The following NBEA variants were observed in gnomAD, a reference collection of about 807,000 sequenced individuals.
NBEA encodes lysosomal-trafficking regulator 2.
In NBEA, 44 loss-of-function variants were observed where a neutral mutation model predicts 343.4. The ratio of observed to expected loss-of-function variants is 0.13; its 90% CI spans 0.10 to 0.16. The LOEUF is 0.16. NBEA is among the 10% of genes least tolerant of loss of function. The pLI, the probability that NBEA is intolerant of heterozygous loss-of-function variation, is 1.00. For synonymous variants in NBEA, 1,175 were observed against 1,238.7 expected, an observed-to-expected ratio of 0.95 and a Z score of 1.08; for missense variants, 2,555 against 3,631.3, an observed-to-expected ratio of 0.70 and a Z score of 7.62.
chr13:35,207,229 G>A (rs1360649576), intron 31 of NBEA, among the ~76,000 whole-genome samples: 1 of 151,204 alleles, frequency 6.6e-6, no homozygotes, highest in Non-Finnish European at 1.5e-5. Context: ...CTTATTTGTG[G>A]AAAAAAAAGT....
At chr13:35,493,363 T>C (rs2076564860) in intron 41 of NBEA, among the ~76,000 whole-genome samples, 1 of 151,982 alleles carries the variant, frequency 6.6e-6, no homozygotes, top group Non-Finnish European at 1.5e-5. Context: ...TATGGGAGTT[T>C]ATTTAAATTT....
chr13:35,472,675 G>C, intron 41 of NBEA, 139 bp downstream of exon 41: 1 of 819,050 alleles, frequency 1.2e-6, no homozygotes, highest in Non-Finnish European at 2.0e-6. Flanking sequence ...GAATGAAATA[G>C]CATGTTCTCT....
intron 37 of NBEA, among the ~76,000 whole-genome samples, chr13:35,349,694 G>T (rs1309495256): frequency 6.6e-6 from 1 of 151,916 alleles, no homozygotes; most frequent in Admixed American, 6.6e-5. Context: ...ATATTTATGT[G>T]CCCTGCTGTT....
At chr13:34,943,255 C>A in intron 1 of NBEA, 141 bp downstream of exon 1, 1 of 1,140,360 alleles carries the variant, frequency 8.8e-7, no homozygotes. Context: ...CGGTATTGCC[C>A]AGCGGGTGAC....
intron 1 of NBEA, among the ~76,000 whole-genome samples, chr13:34,981,531 G>C (rs1489555699): frequency 2.0e-5 from 3 of 152,056 alleles, no homozygotes; most frequent in Non-Finnish European, 4.4e-5. Context: ...TGCATTCTTA[G>C]GATAACCCCA....
At chr13:35,498,787 C>G (rs1262774886) in intron 41 of NBEA, among the ~76,000 whole-genome samples, 1 of 152,012 alleles carries the variant, frequency 6.6e-6, no homozygotes, top group Non-Finnish European at 1.5e-5. Flanking sequence ...TCTGTCTTCA[C>G]CAATGGAAAT....
intron 50 of NBEA, 86 bp from the exon 51 acceptor site, chr13:35,646,173 T>G (rs2092937486): frequency 9.6e-7 from 1 of 1,036,808 alleles, no homozygotes; most frequent in South Asian, 1.4e-5. Flanking sequence ...ATGGCTGACT[T>G]GGGATACACT....
rs145788557 is a variant in NBEA, at chr13:35,233,933, T to C, written c.5776+1314T>C. On this transcript the variant is annotated intron_variant, in intron 34 of 58. Coordinates refer to ENST00000379939, the MANE Select transcript of NBEA (RefSeq NM_001385012.1). Reference sequence around the variant, plus strand: ...ATAGGCCTCATGGTAAAAGTTACATTTGAGCAAAACCTTACATAATAAGTA... The same window carrying C: ...ATAGGCCTCATGGTAAAAGTTACATCTGAGCAAAACCTTACATAATAAGTA... 7.7e-4 allele frequency among the ~76,000 whole-genome samples: 117 copies of C among 152,186 alleles called. No individual in the cohort carries two copies. In the East Asian group the frequency reaches 0.019, roughly 25 times the overall value.
chr13:35,612,085 T>G (rs551893060), intron 48 of NBEA, among the ~76,000 whole-genome samples: 8 of 151,376 alleles, frequency 5.3e-5, no homozygotes, highest in African/African-American at 1.9e-4. Flanking sequence ...TTTTTTTTTT[T>G]ATTACAGCCA....
At position 35,213,702 on chromosome 13, in the gene NBEA, A is replaced by G. The variant is rs73491637; in HGVS notation, c.5648+2523A>G. On this transcript the variant is annotated intron_variant, in intron 33 of 58. Transcript: ENST00000379939. ...TATTCTTAGGAATTGAATATTTTGT[A>G]TGTTTCTATTTTCCTGAAGTTTTCA... is the stretch of plus-strand genomic sequence containing the variant. Among the ~76,000 whole-genome samples the G allele has an allele frequency of 6.6e-3, 993 of 150,670 alleles. 11 individuals are homozygous for G. Among genetic ancestry groups the G allele is most frequent in the African/African-American group, 0.023 (941 of 41,200 alleles).
intron 36 of NBEA, among the ~76,000 whole-genome samples, chr13:35,324,847 AAT>A (rs2038430400): frequency 6.6e-6 from 1 of 152,190 alleles, no homozygotes; most frequent in Non-Finnish European, 1.5e-5. Context: ...GGACCTAAGC[AAT>A]ATAAGCACAA....
intron 41 of NBEA, among the ~76,000 whole-genome samples, chr13:35,537,211 C>G (rs1566284443): frequency 6.6e-6 from 1 of 151,900 alleles, no homozygotes; most frequent in African/African-American, 2.4e-5. Flanking sequence ...TTTCTGTCTC[C>G]CTCAATCATA....
At chr13:35,386,740 T>C (rs2042259983) in intron 38 of NBEA, among the ~76,000 whole-genome samples, 1 of 152,190 alleles carries the variant, frequency 6.6e-6, no homozygotes, top group Non-Finnish European at 1.5e-5. Context: ...CATTTGATCA[T>C]TTTATTTTCT....
intron 38 of NBEA, among the ~76,000 whole-genome samples, chr13:35,409,636 A>G (rs1456372273): frequency 6.6e-6 from 1 of 152,166 alleles, no homozygotes; most frequent in Non-Finnish European, 1.5e-5. Flanking sequence ...TACTTTAACC[A>G]AATGGTTCTA....
intron 35 of NBEA, among the ~76,000 whole-genome samples, chr13:35,308,728 T>A (rs1316832018): frequency 6.0e-5 from 9 of 148,876 alleles, no homozygotes; most frequent in Admixed American, 1.4e-4. Flanking sequence ...TGTATATATT[T>A]AAAACCCCAA....
At chr13:35,208,572 T>A (rs919959791) in intron 31 of NBEA, 128 bp from the exon 32 acceptor site, 8 of 776,092 alleles carry the variant, frequency 1.0e-5, no homozygotes, top group African/African-American at 1.8e-5. Context: ...CTAAGGAGTT[T>A]AAAATTTTTT....
At chr13:35,047,488 G>A (rs538844137) in intron 4 of NBEA, among the ~76,000 whole-genome samples, 78 of 152,056 alleles carry the variant, frequency 5.1e-4, no homozygotes, top group African/African-American at 1.8e-3. Flanking sequence ...CTTCACAGAT[G>A]AGGAAACATA....
intron 45 of NBEA, among the ~76,000 whole-genome samples, chr13:35,568,097 T>A (rs561234636): frequency 1.3e-5 from 2 of 152,302 alleles, no homozygotes; most frequent in East Asian, 3.9e-4. Flanking sequence ...AATTATAACA[T>A]AGTACTTGGC....
chr13:35,532,889 G>A (rs1482708552), intron 41 of NBEA, among the ~76,000 whole-genome samples: 2 of 151,828 alleles, frequency 1.3e-5, no homozygotes, highest in African/African-American at 4.8e-5. Context: ...GTAATTTGTT[G>A]AGTTTTTTTT....
Sources: gnomAD v4.1 joint callset for allele counts (sites outside exome capture counted in the v4.1 genomes callset) on GRCh38, gnomAD v4.1.1 for gene constraint, MANE v1.5 for transcripts, NCBI Gene and HGNC (gene_info 2026-07-23, HGNC 2026-07-21) for gene names.